Variants in COX11 observed in about 807,000 individuals in gnomAD.
The protein encoded by COX11 is cytochrome c oxidase assembly protein COX11, mitochondrial.
COX11 carries 18 observed loss-of-function variants against 29.4 expected under a neutral mutation model. That is an observed-to-expected ratio of 0.61 (90% CI 0.42 to 0.91). The LOEUF (loss-of-function observed/expected upper bound fraction) is 0.91, where lower values mean the gene tolerates loss of function less well. COX11 is among the 40% of genes least tolerant of loss of function. COX11 has a pLI of 0.00. For missense variants in COX11, 312 were observed against 346.0 expected (o/e 0.90, Z 0.78); for synonymous variants, 131 against 124.0 (o/e 1.06, Z -0.38).
chr17:54,968,288 TAGAGCCGATAAAGGGGTAC>T lies in COX11; in HGVS notation c.340_358del (p.Val114IlefsTer76). The T allele has an allele frequency of 6.2e-7, 1 of 1,611,930 alleles. No homozygotes were observed. The highest frequency in any genetic ancestry group is 2.2e-5 in the East Asian group (1 of 44,808). ...GGCGGCGCCGGCCCCTACCTGGCAA[TAGAGCCGATAAAGGGGTAC>T]GGCAGCGTAGGACGCCCCCAGCATG... On this transcript the variant is annotated frameshift_variant, in exon 1 of 4. Coordinates refer to ENST00000299335, the MANE Select transcript of COX11 (RefSeq NM_004375.5). LOFTEE classifies it high-confidence loss of function.
chr17:54,968,508 C>T lies in COX11; in HGVS notation c.139G>A (p.Glu47Lys). The T allele has an allele frequency of 6.2e-7, 1 of 1,613,370 alleles. No individual in the cohort carries two copies. Among genetic ancestry groups the T allele is most frequent in the Non-Finnish European group, 8.5e-7 (1 of 1,179,986 alleles). The stretch of plus-strand genomic sequence containing the variant: ...GTCCCAAGCCACCTCAGTCCTCTCT[C>T]GGCACCTCCTGTCCCACTCCACTCT... ...RPEWSGTGGA[E>K]RGLRWLGTWK... The change falls in exon 1 of 4, where the codon GAG becomes AAG. Residue 47 changes from glutamate to lysine, a missense_variant. Physicochemically the swap from Glu to Lys is moderately conservative, Grantham distance 56. This residue lies in a region of COX11 where 130 missense variants were observed against 106.0 expected (regional missense o/e 1.23). Transcript: ENST00000299335.
Position 54,963,290 on chromosome 17 carries a change from T to C in COX11, c.648+16A>G, listed in dbSNP as rs758865292. 1 of 1,605,418 alleles carries C rather than the reference T, an allele frequency of 6.2e-7. No homozygotes were observed. The highest frequency in any genetic ancestry group is 1.7e-5 in the Admixed American group (1 of 59,064). ...GTATCTTTATCATATTCTGTAAAGTTTACACTTTGATGTACCTGTATTTTA... is the reference window on the plus strand; with the variant it reads ...GTATCTTTATCATATTCTGTAAAGTCTACACTTTGATGTACCTGTATTTTA... On this transcript the variant is annotated intron_variant, in intron 3 of 3. Transcript: ENST00000299335.
At chr17:54,953,686 C>G (rs1007341272) in exon 1 of COX11, 8 of 152,354 alleles carry the variant, frequency 5.3e-5, no homozygotes, top group African/African-American at 1.9e-4. Context: ...CCTGGGCTTC[C>G]TGAAGTAGTC....
At chr17:54,964,659 TAATA>T in intron 2 of COX11, 34 bp downstream of exon 2, 1 of 1,576,434 alleles carries the variant, frequency 6.3e-7, no homozygotes, top group South Asian at 1.1e-5. Context: ...GAATTTACAT[TAATA>T]AAGTAATCTT....
chr17:54,959,663 G>C (rs1324623960), downstream of COX11, among the ~76,000 whole-genome samples: 1 of 148,402 alleles, frequency 6.7e-6, no homozygotes, highest in Non-Finnish European at 1.5e-5. Flanking sequence ...TGTAGCCCAG[G>C]CTGGAGTGCA....
rs1366461618 is a variant in COX11, at chr17:54,968,571, T to C, written c.76A>G (p.Thr26Ala). ...GWRWIHPGSP[T>A]RAAERVEPFL... ...GGCTCTACCCTCTCTGCAGCCCTGG[T>C]TGGAGACCCAGGGTGGATCCAGCGC... The change falls in exon 1 of 4, where the codon ACC becomes GCC. Residue 26 changes from threonine (T) to alanine (A), a missense_variant. Thr to Ala is a moderately conservative substitution (Grantham distance 58, BLOSUM62 0). Around this residue, in one of 2 missense-constraint regions of COX11, gnomAD observed 130 missense variants for 106.0 expected, o/e 1.23. Coordinates refer to ENST00000299335, the MANE Select transcript of COX11 (RefSeq NM_004375.5). The C allele has an allele frequency of 1.2e-5, 19 of 1,612,882 alleles. No individual in the cohort carries two copies. Among genetic ancestry groups the C allele is most frequent in the Non-Finnish European group, 1.4e-5 (17 of 1,179,994 alleles).
downstream of COX11, among the ~76,000 whole-genome samples, chr17:54,958,704 T>C (rs1027906897): frequency 2.6e-5 from 3 of 117,424 alleles, no homozygotes; most frequent in African/African-American, 1.0e-4. Context: ...CACTCTAGCG[T>C]GGGCAACAAG....
chr17:54,967,036 G>A (rs1567858816), intron 1 of COX11, among the ~76,000 whole-genome samples: 1 of 46,826 alleles, frequency 2.1e-5, no homozygotes, highest in African/African-American at 6.8e-5. Flanking sequence ...AAACGTGCGC[G>A]CGCGCGCACA....
chr17:54,966,261 A>G (rs557649347), intron 1 of COX11, among the ~76,000 whole-genome samples: 3 of 152,332 alleles, frequency 2.0e-5, no homozygotes, highest in South Asian at 2.1e-4. Flanking sequence ...TTCAATGCCT[A>G]AAGTAAAATA....
upstream of COX11, chr17:54,968,679 G>C: frequency 6.9e-6 from 11 of 1,586,568 alleles, no homozygotes; most frequent in Non-Finnish European, 9.4e-6. Context: ...CCGCCTCTCA[G>C]GGACGAGAGG....
chr17:54,967,328 A>G (rs2077254398), intron 1 of COX11, among the ~76,000 whole-genome samples: 1 of 152,170 alleles, frequency 6.6e-6, no homozygotes, highest in South Asian at 2.1e-4. Context: ...CATGATTTTT[A>G]AACCGAAATT....
At chr17:54,959,169 C>T (rs1234973095), downstream of COX11, 3 of 152,112 alleles carry the variant, frequency 2.0e-5, no homozygotes, top group African/African-American at 4.8e-5. Flanking sequence ...ATTGTAGCAC[C>T]ATTCTGGGGC....
intron 3 of COX11, 50 bp downstream of exon 3, chr17:54,963,256 C>A: frequency 6.4e-7 from 1 of 1,563,328 alleles, no homozygotes; most frequent in Non-Finnish European, 8.7e-7. Flanking sequence ...TCATACTAAA[C>A]CGTTTCATGT....
Position 54,962,784 on chromosome 17 carries a change from A to G in COX11, c.780T>C (p.Thr260=). ...IKVDLITLSY[T]FFEAKEGHKL... ...TGTGCCCTTCCTTTGCTTCAAAAAA[A>G]GTGTAAGAAAGAGTGATAAGATCAA... Residue 260 remains threonine (T), a synonymous_variant, in exon 4 of 4, where the codon ACT becomes ACC. Transcript: ENST00000299335. 1 of 1,612,780 alleles carries G rather than the reference A, an allele frequency of 6.2e-7. No individual in the cohort carries two copies. The highest frequency in any genetic ancestry group is 8.5e-7 in the Non-Finnish European group (1 of 1,179,260).
chr17:54,957,683 A>G (rs1445748630), downstream of COX11: 1 of 152,060 alleles, frequency 6.6e-6, no homozygotes, highest in East Asian at 1.9e-4. Flanking sequence ...GCAGGAAATT[A>G]CTGGGTTTTT....
chr17:54,959,692 A>G (rs918918765), downstream of COX11, among the ~76,000 whole-genome samples: 52 of 148,802 alleles, frequency 3.5e-4, no homozygotes, highest in African/African-American at 1.2e-3. Context: ...ATCTCAGCTC[A>G]CTGCAATCTC....
At position 54,961,795 on chromosome 17, in the gene COX11, T is replaced by A. The variant is rs530926770; in HGVS notation, c.*938A>T. The A allele has an allele frequency of 6.1e-6, 6 of 988,190 alleles. No individual in the cohort carries two copies. In the African/African-American group the frequency reaches 8.7e-5, roughly 14 times the overall value. 61.2% of individuals were successfully genotyped at this position (988,190 alleles called of 1,614,324 possible). A position where few individuals can be genotyped will look rare whatever the true frequency, so the allele number is the denominator to read the frequency against. On this transcript the variant is annotated 3_prime_UTR_variant, in exon 4 of 4. Transcript: ENST00000299335. The stretch of plus-strand genomic sequence containing the variant: ...ATTTCAGGTGTCCTGAACAGGTCAC[T>A]AGACTCTACATTGGGCAGCCTTTAA...
downstream of COX11, among the ~76,000 whole-genome samples, chr17:54,958,723 T>G (rs374128594): frequency 6.8e-3 from 381 of 55,902 alleles, 4 homozygotes; most frequent in African/African-American, 0.025. Flanking sequence ...AGAGTGAAAC[T>G]CCATCTCAAA....
chr17:54,954,054 G>C (rs1032537703), exon 1 of COX11: 6 of 152,126 alleles, frequency 3.9e-5, no homozygotes, highest in Non-Finnish European at 7.4e-5. Flanking sequence ...TAATGATGAA[G>C]CCACTCTTGA....
Sources: gnomAD v4.1 joint callset for allele counts (sites outside exome capture counted in the v4.1 genomes callset) on GRCh38, gnomAD v4.1.1 for gene constraint, gnomAD v4.1.1 regional missense constraint, MANE v1.5 for transcripts, NCBI Gene and HGNC (gene_info 2026-07-23, HGNC 2026-07-21) for gene names.